Variants in MZT2B observed in about 807,000 individuals in gnomAD.
MZT2B encodes the protein mitotic spindle organizing protein 2B, also known as mitotic-spindle organizing protein 2B.
MZT2B carries 11 observed loss-of-function variants against 12.1 expected under a neutral mutation model. The observed-to-expected ratio is 0.91, with a 90% CI of 0.57 to 1.50. The LOEUF is 1.50. Among genes scored for constraint, MZT2B ranks in the 40% most tolerant of loss-of-function variants. The pLI is 0.00. For missense variants in MZT2B, 209 were observed against 227.7 expected (o/e 0.92, Z 0.53); for synonymous variants, 85 against 109.5 (o/e 0.78, Z 1.40).
upstream of MZT2B, chr2:130,181,730 G>C: frequency 6.5e-7 from 1 of 1,548,830 alleles, no homozygotes; most frequent in Non-Finnish European, 8.7e-7. Flanking sequence ...TGGCGAGGCA[G>C]GAGTGCGGGG....
downstream of MZT2B, chr2:130,191,690 C>G: frequency 6.9e-7 from 1 of 1,441,518 alleles, no homozygotes; most frequent in Non-Finnish European, 9.2e-7. Flanking sequence ...CATGCAGGCT[C>G]TGGGGTCCCA....
At chr2:130,197,095 C>G in the MZT2B span, among the ~76,000 whole-genome samples, 1 of 152,156 alleles carries the variant, frequency 6.6e-6, no homozygotes, top group African/African-American at 2.4e-5. Context: ...CTCCTAATTT[C>G]TTGTAACCAC....
the MZT2B span, chr2:130,204,062 C>T: frequency 2.5e-6 from 2 of 807,734 alleles, no homozygotes; most frequent in African/African-American, 1.7e-5. Context: ...TAATCTGTAA[C>T]CAGCATTGGC....
chr2:130,204,707 G>C, the MZT2B span, among the ~76,000 whole-genome samples: 275 of 60,592 alleles, frequency 4.5e-3, 3 homozygotes, highest in African/African-American at 0.012. Context: ...AAAAAAAAGG[G>C]GGGGTGGGGA....
At chr2:130,186,054 GCTCTCTGAGGCCCACATGTTAC>G (rs1690048422) in intron 2 of MZT2B, among the ~76,000 whole-genome samples, 4 of 152,096 alleles carry the variant, frequency 2.6e-5, no homozygotes, top group South Asian at 2.1e-4. Context: ...AATGCTGAGA[GCTCTCTGAGGCCCACATGTTAC>G]AGCATCTGAC....
downstream of MZT2B, chr2:130,191,765 T>G: frequency 6.4e-7 from 1 of 1,562,816 alleles, no homozygotes; most frequent in Non-Finnish European, 8.7e-7. Flanking sequence ...ACAGAATCTT[T>G]AATTGCAAAC....
chr2:130,198,948 C>T, the MZT2B span, among the ~76,000 whole-genome samples: 5 of 124,530 alleles, frequency 4.0e-5, no homozygotes, highest in African/African-American at 1.4e-4. Context: ...CGATGGCTAA[C>T]GCCTGCAATC....
chr2:130,192,214 T>A (rs1405277334), downstream of MZT2B: 1 of 1,522,700 alleles, frequency 6.6e-7, no homozygotes, highest in Non-Finnish European at 8.8e-7. Flanking sequence ...GAAGACACCC[T>A]GTAGGTGACA....
intron 1 of MZT2B, 67 bp downstream of exon 1, chr2:130,182,519 C>G (rs1689768394): frequency 5.8e-6 from 9 of 1,543,976 alleles, no homozygotes; most frequent in South Asian, 1.2e-5. Flanking sequence ...CCGGGTACGC[C>G]CGGCCCGCTG....
At chr2:130,191,949 C>A (rs990574677), downstream of MZT2B, 2 of 1,613,946 alleles carry the variant, frequency 1.2e-6, no homozygotes, top group African/African-American at 2.7e-5. Context: ...CTCTTCCATG[C>A]CTTCGCCCAC....
intron 2 of MZT2B, chr2:130,183,428 C>A (rs1365277644): frequency 2.5e-6 from 1 of 399,720 alleles, no homozygotes; most frequent in South Asian, 2.3e-5. Flanking sequence ...AGGGCCTCCT[C>A]CCTCTCCAGT....
chr2:130,187,008 G>T (rs1301835890), intron 2 of MZT2B, among the ~76,000 whole-genome samples: 1 of 139,088 alleles, frequency 7.2e-6, no homozygotes, highest in Non-Finnish European at 1.6e-5. Flanking sequence ...CTTGAAGCTC[G>T]GAGTTTGAGA....
the MZT2B span, among the ~76,000 whole-genome samples, chr2:130,197,126 A>C: frequency 6.6e-6 from 1 of 152,162 alleles, no homozygotes; most frequent in South Asian, 2.1e-4. Flanking sequence ...TACCCCTTGA[A>C]GCCTACGGGT....
At chr2:130,189,304 A>G (rs1690175141) in intron 2 of MZT2B, among the ~76,000 whole-genome samples, 1 of 152,144 alleles carries the variant, frequency 6.6e-6, no homozygotes. Flanking sequence ...CCACGTGCTT[A>G]GCAACATGTC....
intron 2 of MZT2B, chr2:130,184,234 G>A: frequency 7.2e-7 from 1 of 1,395,662 alleles, no homozygotes; most frequent in Admixed American, 3.0e-5. Flanking sequence ...TGAGTGTAAA[G>A]AGCCCCTCTC....
the MZT2B span, among the ~76,000 whole-genome samples, chr2:130,198,118 T>C: frequency 9.0e-5 from 11 of 122,658 alleles, 3 homozygotes; most frequent in Non-Finnish European, 1.4e-4. Context: ...GGGGACGGGA[T>C]ACCGTCAATG....
At chr2:130,196,489 A>C in the MZT2B span, 1 of 1,403,972 alleles carries the variant, frequency 7.1e-7, no homozygotes, top group African/African-American at 1.4e-5. Context: ...CGCTTTCACA[A>C]TCGATATTTC....
chr2:130,181,835 G>T (rs1207792860), upstream of MZT2B: 5 of 1,543,260 alleles, frequency 3.2e-6, no homozygotes, highest in Non-Finnish European at 4.4e-6. Flanking sequence ...GTGCGCGTAA[G>T]CAGTATTGTT....
intron 2 of MZT2B, 44 bp downstream of exon 2, chr2:130,182,819 C>T (rs770609859): frequency 8.5e-5 from 115 of 1,347,290 alleles, no homozygotes; most frequent in Non-Finnish European, 1.0e-4. Context: ...GCGGGGGTGG[C>T]GGGCGGGGAG....
Sources: allele counts gnomAD v4.1 joint callset (sites outside exome capture counted in the v4.1 genomes callset), GRCh38; gene constraint gnomAD v4.1.1; transcripts MANE v1.5; gene names NCBI Gene and HGNC (gene_info 2026-07-23, HGNC 2026-07-21).